The following ARNT2 variants were observed in gnomAD, a reference collection of about 807,000 sequenced individuals.
The protein encoded by ARNT2 is aryl hydrocarbon receptor nuclear translocator 2.
ARNT2 carries 36 observed loss-of-function variants against 91.7 expected under a neutral mutation model. The observed-to-expected ratio is 0.39, with a 90% CI of 0.30 to 0.52. ARNT2 has a LOEUF of 0.52. Among genes scored for constraint, ARNT2 ranks in the 20% least tolerant of loss-of-function variants. ARNT2 has a pLI of 0.72. For synonymous variants in ARNT2, 365 were observed against 347.1 expected, an observed-to-expected ratio of 1.05 and a Z score of -0.57; for missense variants, 775 against 939.3, an observed-to-expected ratio of 0.83 and a Z score of 2.29.
intron 1 of ARNT2, among the ~76,000 whole-genome samples, chr15:80,417,505 C>T (rs193134136): frequency 1.4e-4 from 22 of 151,930 alleles, no homozygotes; most frequent in African/African-American, 5.3e-4. Flanking sequence ...CCCTCTCCTT[C>T]CCATCCCCCC....
chr15:80,431,802 G>T (rs2141569568), intron 1 of ARNT2, among the ~76,000 whole-genome samples: 1 of 152,314 alleles, frequency 6.6e-6, no homozygotes, highest in Admixed American at 6.5e-5. Context: ...GGTGGGCTTT[G>T]TTCCTCCAGT....
intron 5 of ARNT2, among the ~76,000 whole-genome samples, chr15:80,495,841 G>C (rs1030652815): frequency 6.6e-6 from 1 of 152,104 alleles, no homozygotes; most frequent in East Asian, 1.9e-4. Flanking sequence ...CCTTTACTTG[G>C]GGCATCCTAT....
At chr15:80,534,273 G>A (rs1448519776) in intron 8 of ARNT2, among the ~76,000 whole-genome samples, 4 of 151,914 alleles carry the variant, frequency 2.6e-5, no homozygotes, top group African/African-American at 7.3e-5. Flanking sequence ...TCCCAGCTCT[G>A]CAAAGCGTAA....
At chr15:80,458,048 T>C (rs1896504273) in intron 3 of ARNT2, 72 bp downstream of exon 3, 1 of 1,507,256 alleles carries the variant, frequency 6.6e-7, no homozygotes, top group Non-Finnish European at 9.2e-7. Context: ...GATACAAGAA[T>C]GTAACGTCTT....
intron 1 of ARNT2, among the ~76,000 whole-genome samples, chr15:80,413,080 G>T (rs114900960): frequency 0.014 from 2,141 of 152,296 alleles, 69 homozygotes; most frequent in African/African-American, 0.049. Flanking sequence ...AATTTCAGTG[G>T]CTTTTTAATT....
chr15:80,472,109 G>T (rs1595977691), intron 4 of ARNT2, among the ~76,000 whole-genome samples: 1 of 152 alleles, frequency 6.6e-3, no homozygotes, highest in Non-Finnish European at 0.013. Context: ...TAGCCGGTGG[G>T]GGGGCATTGG....
intron 1 of ARNT2, chr15:80,441,415 G>C (rs142379501): frequency 0.011 from 11,204 of 981,904 alleles, 80 homozygotes; most frequent in Non-Finnish European, 0.012. Context: ...TCTGTGAAGA[G>C]AATTGTTCTA....
intron 14 of ARNT2, 77 bp downstream of exon 14, chr15:80,575,187 C>T: frequency 1.9e-6 from 3 of 1,571,536 alleles, no homozygotes; most frequent in Non-Finnish European, 2.6e-6. Context: ...GACAGCTACT[C>T]TTAGTAAGAG....
intron 8 of ARNT2, among the ~76,000 whole-genome samples, chr15:80,522,567 G>A (rs1461310516): frequency 6.6e-6 from 1 of 152,038 alleles, no homozygotes; most frequent in African/African-American, 2.4e-5. Context: ...TTGCTCCTAG[G>A]CTACAAATCT....
intron 5 of ARNT2, among the ~76,000 whole-genome samples, chr15:80,482,766 C>T (rs1896909558): frequency 6.6e-6 from 1 of 152,160 alleles, no homozygotes; most frequent in Non-Finnish European, 1.5e-5. Flanking sequence ...AGGCCAGATG[C>T]ATGAGCATCA....
rs571851875 is a variant in ARNT2 at position 80,523,687 on chromosome 15, A to G, written c.877+9282A>G. Among the ~76,000 whole-genome samples, 6 of 152,224 alleles carry G rather than the reference A, an allele frequency of 3.9e-5. No individual in the cohort carries two copies. In the East Asian group the frequency reaches 1.2e-3, roughly 29 times the overall value. On this transcript the variant is annotated intron_variant, in intron 8 of 18. Transcript: ENST00000303329. ...TGGTAAATGCCTTGATCATGGAAAGACTCACTTTTAGTGTCCTTATGGATG... is the reference window on the plus strand; with the variant it reads ...TGGTAAATGCCTTGATCATGGAAAGGCTCACTTTTAGTGTCCTTATGGATG...
At chr15:80,575,300 A>AC (rs1898654847) in intron 14 of ARNT2, among the ~76,000 whole-genome samples, 190 bp downstream of exon 14, 1 of 152,208 alleles carries the variant, frequency 6.6e-6, no homozygotes, top group Non-Finnish European at 1.5e-5. Context: ...TATACCAGTT[A>AC]CCCAGGGTAT....
At chr15:80,479,697 C>G (rs1431777500) in intron 5 of ARNT2, among the ~76,000 whole-genome samples, 1 of 152,144 alleles carries the variant, frequency 6.6e-6, no homozygotes, top group Non-Finnish European at 1.5e-5. Context: ...TGGTGAAAAA[C>G]CCAAGAGGAC....
chr15:80,448,667 G>A (rs1595967328), intron 1 of ARNT2, among the ~76,000 whole-genome samples: 1 of 152,184 alleles, frequency 6.6e-6, no homozygotes, highest in Non-Finnish European at 1.5e-5. Context: ...CTCGAAGGCA[G>A]GAATGAGGTA....
At chr15:80,421,384 A>C (rs1895858477) in intron 1 of ARNT2, among the ~76,000 whole-genome samples, 1 of 130,624 alleles carries the variant, frequency 7.7e-6, no homozygotes, top group Non-Finnish European at 1.6e-5. Flanking sequence ...TGTACCCCTA[A>C]AGCTATTGAA....
intron 8 of ARNT2, among the ~76,000 whole-genome samples, chr15:80,519,248 T>C (rs1370446097): frequency 6.6e-6 from 1 of 152,172 alleles, no homozygotes; most frequent in Non-Finnish European, 1.5e-5. Flanking sequence ...GATACGTATA[T>C]GCCTTTCTCC....
chr15:80,457,480 C>T (rs1017590375), intron 2 of ARNT2, among the ~76,000 whole-genome samples: 1 of 152,176 alleles, frequency 6.6e-6, no homozygotes, highest in African/African-American at 2.4e-5. Flanking sequence ...TTCAAAATCC[C>T]GTGAGCCTTT....
intron 1 of ARNT2, among the ~76,000 whole-genome samples, chr15:80,450,019 T>C (rs1896363157): frequency 6.6e-6 from 1 of 152,132 alleles, no homozygotes; most frequent in South Asian, 2.1e-4. Flanking sequence ...TGTCGAGTCA[T>C]GGAATGGTCT....
chr15:80,566,773 C>T lies in ARNT2; in HGVS notation c.1316+3534C>T, dbSNP rs919203871. On this transcript the variant is annotated intron_variant, in intron 12 of 18. Transcript: ENST00000303329. Reference sequence around the variant, plus strand: ...AACCAGCTCCTCTTTGTTAATGTCACCCTTGGCTGACTTGATATTCTGATT... The same window carrying T: ...AACCAGCTCCTCTTTGTTAATGTCATCCTTGGCTGACTTGATATTCTGATT... Among the ~76,000 whole-genome samples the T allele has an allele frequency of 4.6e-5, 7 of 152,338 alleles. No homozygotes were observed. The South Asian group carries it at 1.5e-3, about 32-fold the overall frequency.
Sources: gnomAD v4.1 joint callset for allele counts (sites outside exome capture counted in the v4.1 genomes callset) on GRCh38, gnomAD v4.1.1 for gene constraint, MANE v1.5 for transcripts, NCBI Gene and HGNC (gene_info 2026-07-23, HGNC 2026-07-21) for gene names.